Variants in MAPT observed in about 807,000 individuals in gnomAD.
MAPT encodes the protein microtubule associated protein tau.
A neutral mutation model predicts 67.9 loss-of-function variants in MAPT; 34 were observed. That is an observed-to-expected ratio of 0.50 (90% confidence interval 0.38 to 0.67). The LOEUF is 0.67. Among genes scored for constraint, MAPT ranks in the 30% least tolerant of loss-of-function variants. The pLI is 0.00. For synonymous variants in MAPT, 456 were observed against 464.5 expected, an observed-to-expected ratio of 0.98 and a Z score of 0.23; for missense variants, 881 against 1,115.2, an observed-to-expected ratio of 0.79 and a Z score of 2.99.
intron 3 of MAPT, chr17:45,974,638 G>T: frequency 1.6e-6 from 1 of 622,160 alleles, no homozygotes; most frequent in Non-Finnish European, 2.9e-6. Context: ...TCGATGCCTT[G>T]GTGCTCAGTT....
intron 1 of MAPT, among the ~76,000 whole-genome samples, chr17:45,914,456 C>T (rs779539632): frequency 7.2e-5 from 11 of 152,212 alleles, no homozygotes; most frequent in Non-Finnish European, 1.5e-4. Flanking sequence ...AGCGGTCCGT[C>T]TGCACTGCTG....
At chr17:45,934,257 T>C (rs937924992) in intron 1 of MAPT, among the ~76,000 whole-genome samples, 1 of 152,170 alleles carries the variant, frequency 6.6e-6, no homozygotes, top group Non-Finnish European at 1.5e-5. Flanking sequence ...GGAGGATTGC[T>C]TGAGCCAGAA....
chr17:45,989,764 C>A, intron 6 of MAPT, 114 bp from the exon 7 acceptor site: 1 of 943,512 alleles, frequency 1.1e-6, no homozygotes, highest in Non-Finnish European at 1.7e-6. Flanking sequence ...CTGGAGATCA[C>A]TGCTTTCAAC....
At chr17:45,946,615 A>AAATATATAT in intron 1 of MAPT, among the ~76,000 whole-genome samples, 3 of 100,408 alleles carry the variant, frequency 3.0e-5, no homozygotes, top group African/African-American at 1.3e-4. Context: ...AAAAAAAAAA[A>AAATATATAT]ATATATATAT....
At chr17:45,958,170 T>G (rs1294762946) in intron 1 of MAPT, among the ~76,000 whole-genome samples, 2 of 152,118 alleles carry the variant, frequency 1.3e-5, no homozygotes, top group East Asian at 3.9e-4. Flanking sequence ...ATATAAAAAA[T>G]TAGACCACTA....
At chr17:45,981,374 G>A (rs898550947) in intron 4 of MAPT, among the ~76,000 whole-genome samples, 1 of 152,170 alleles carries the variant, frequency 6.6e-6, no homozygotes, top group East Asian at 1.9e-4. Flanking sequence ...CTTAATATGC[G>A]GCCAGGTTAA....
chr17:45,967,290 C>T (rs1339793979), intron 2 of MAPT, among the ~76,000 whole-genome samples: 1 of 152,100 alleles, frequency 6.6e-6, no homozygotes, highest in Non-Finnish European at 1.5e-5. Context: ...TCACTACTTC[C>T]AAGGGATTTA....
intron 6 of MAPT, among the ~76,000 whole-genome samples, chr17:45,989,502 C>A (rs372810927): frequency 0.14 from 21,954 of 151,874 alleles, 2,101 homozygotes; most frequent in Non-Finnish European, 0.22. Flanking sequence ...TACAAAAAAA[C>A]GAGCCGGGCG....
chr17:45,983,009 C>T lies in MAPT; in HGVS notation c.430C>T (p.Pro144Ser). 6.9e-7 allele frequency: 1 copy of T among 1,457,516 alleles called. No individual in the cohort carries two copies. The allele number at this position is 1,457,516 out of a possible 1,614,324, so 90.3% of individuals were successfully genotyped here. A position where few individuals can be genotyped will look rare whatever the true frequency, so the allele number is the denominator to read the frequency against. ...PCLGEKEPEA[P>S]VPLTASLPQH... ...CCTCGGGGAGAAAGAGCCAGAAGCT[C>T]CCGTCCCGCTGACCGCGAGCCTTCC... The change falls in exon 5 of 13, where the codon CCC (proline) becomes TCC (serine). Residue 144 changes from proline to serine, a missense_variant. Physicochemically the swap from Pro to Ser is moderately conservative, Grantham distance 74 (BLOSUM62 -1). Around this residue, in one of 6 missense-constraint regions of MAPT, gnomAD observed 687 missense variants for 766.1 expected, o/e 0.90. Coordinates refer to ENST00000262410, the MANE Select transcript of MAPT (RefSeq NM_001377265.1).
intron 1 of MAPT, among the ~76,000 whole-genome samples, chr17:45,937,063 G>A (rs2144810601): frequency 6.6e-6 from 1 of 152,314 alleles, no homozygotes; most frequent in Non-Finnish European, 1.5e-5. Flanking sequence ...CGATATGAGA[G>A]CTCGTCAGTT....
intron 9 of MAPT, among the ~76,000 whole-genome samples, chr17:46,008,939 C>T (rs538725636): frequency 5.8e-4 from 89 of 152,294 alleles, no homozygotes; most frequent in African/African-American, 2.0e-3. Flanking sequence ...TGGTGGCTTA[C>T]GCTTGTAATC....
At chr17:45,919,133 G>A (rs908742814) in intron 1 of MAPT, among the ~76,000 whole-genome samples, 1 of 152,018 alleles carries the variant, frequency 6.6e-6, no homozygotes, top group Non-Finnish European at 1.5e-5. Context: ...TATATGGTCT[G>A]TGGTACCTTG....
chr17:45,928,738 C>G (rs1452495843), intron 1 of MAPT, among the ~76,000 whole-genome samples: 1 of 151,894 alleles, frequency 6.6e-6, no homozygotes, highest in Non-Finnish European at 1.5e-5. Flanking sequence ...CTCTGTCACC[C>G]AGGCTGGAGT....
At chr17:46,008,110 A>G (rs941224959) in intron 9 of MAPT, among the ~76,000 whole-genome samples, 1 of 152,182 alleles carries the variant, frequency 6.6e-6, no homozygotes, top group African/African-American at 2.4e-5. Context: ...TGTTTTTTGT[A>G]TTTTGAGACG....
At chr17:46,017,439 A>ATTTTTTT (rs2076258042) in intron 11 of MAPT, among the ~76,000 whole-genome samples, 1 of 52,428 alleles carries the variant, frequency 1.9e-5, no homozygotes, top group Non-Finnish European at 3.7e-5. Flanking sequence ...ATGCCTGGCT[A>ATTTTTTT]ATTTTTTTTT....
chr17:45,965,203 G>A (rs1382592751), intron 2 of MAPT, among the ~76,000 whole-genome samples: 1 of 151,976 alleles, frequency 6.6e-6, no homozygotes, highest in Non-Finnish European at 1.5e-5. Flanking sequence ...AGGCTAAGGT[G>A]GGCAGATCAC....
chr17:45,901,798 T>G (rs1455564374), intron 1 of MAPT, among the ~76,000 whole-genome samples: 1 of 152,208 alleles, frequency 6.6e-6, no homozygotes, highest in Non-Finnish European at 1.5e-5. Context: ...TTGAAATTTC[T>G]TGTCTGTTTT....
At chr17:45,900,596 T>C (rs761376907) in intron 1 of MAPT, among the ~76,000 whole-genome samples, 1 of 152,170 alleles carries the variant, frequency 6.6e-6, no homozygotes, top group Non-Finnish European at 1.5e-5. Context: ...AAGAAATGCA[T>C]TTTGTGCCAA....
chr17:45,999,904 C>A (rs1021583630), intron 9 of MAPT, among the ~76,000 whole-genome samples: 4 of 152,136 alleles, frequency 2.6e-5, no homozygotes, highest in Admixed American at 2.0e-4. Flanking sequence ...ACACATGAAT[C>A]TCCAGGAAAA....
Sources: gnomAD v4.1 joint callset for allele counts (sites outside exome capture counted in the v4.1 genomes callset) on GRCh38, gnomAD v4.1.1 for gene constraint, gnomAD v4.1.1 regional missense constraint, MANE v1.5 for transcripts, NCBI Gene and HGNC (gene_info 2026-07-23, HGNC 2026-07-21) for gene names.